TENM3: variants seen among roughly 807,000 people sequenced by gnomAD.
TENM3 encodes the protein teneurin transmembrane protein 3, also known as teneurin-3.
A neutral mutation model predicts 255.1 loss-of-function variants in TENM3; 63 were observed. That is an observed-to-expected ratio of 0.25 (90% CI 0.20 to 0.30). TENM3 has a LOEUF of 0.30. Ranked by LOEUF, TENM3 falls within the 10% of genes least tolerant of loss-of-function variation. The pLI is 1.00. For missense variants in TENM3, 2,929 were observed against 3,461.1 expected, an observed-to-expected ratio of 0.85 and a Z score of 3.86; for synonymous variants, 1,306 against 1,322.3, an observed-to-expected ratio of 0.99 and a Z score of 0.27.
chr4:181,878,831 C>A, the TENM3 span, among the ~76,000 whole-genome samples: 1 of 152,130 alleles, frequency 6.6e-6, no homozygotes, highest in Non-Finnish European at 1.5e-5. Context: ...ATCTACCTAC[C>A]TACCTACCTG....
chr4:182,526,756 T>C (rs967979468), intron 3 of TENM3, among the ~76,000 whole-genome samples: 1 of 152,238 alleles, frequency 6.6e-6, no homozygotes, highest in Non-Finnish European at 1.5e-5. Flanking sequence ...CTATTTTACT[T>C]GCTAACGGAT....
At chr4:181,653,489 A>G in the TENM3 span, among the ~76,000 whole-genome samples, 1 of 151,948 alleles carries the variant, frequency 6.6e-6, no homozygotes, top group Non-Finnish European at 1.5e-5. Context: ...GGCTCACTGC[A>G]ACTTCCACCT....
At chr4:181,794,087 G>T in the TENM3 span, among the ~76,000 whole-genome samples, 3 of 152,010 alleles carry the variant, frequency 2.0e-5, no homozygotes, top group Non-Finnish European at 4.4e-5. Context: ...CCCTTTCTCT[G>T]TTATTATAGT....
intron 3 of TENM3, among the ~76,000 whole-genome samples, chr4:182,349,132 T>C (rs965894533): frequency 6.6e-6 from 1 of 152,012 alleles, no homozygotes; most frequent in African/African-American, 2.4e-5. Context: ...AAGTTAAGAG[T>C]ATAAAGTGTC....
Position 182,395,167 on chromosome 4 carries a change from A to G in TENM3, c.511+48238A>G, listed in dbSNP as rs562926630. Among the ~76,000 whole-genome samples, 4 of 152,294 alleles carry G rather than the reference A, an allele frequency of 2.6e-5. No individual in the cohort carries two copies. The East Asian group carries it at 7.7e-4, about 29-fold the overall frequency. On this transcript the variant is annotated intron_variant, in intron 3 of 27. Transcript: ENST00000511685. ...ACAATATTATCAGACAATTCTTAAC[A>G]CATGGATTTGTCCCTGATATGACAC...
chr4:181,514,924 T>C, the TENM3 span, among the ~76,000 whole-genome samples: 2 of 152,184 alleles, frequency 1.3e-5, no homozygotes, highest in East Asian at 3.8e-4. Context: ...GTGAGACAGG[T>C]CTTGGTTATC....
At chr4:182,514,489 T>A (rs1194913002) in intron 3 of TENM3, among the ~76,000 whole-genome samples, 3 of 152,196 alleles carry the variant, frequency 2.0e-5, no homozygotes, top group Non-Finnish European at 4.4e-5. Context: ...GTTATGAAGA[T>A]GTGTCCTGAA....
At chr4:181,869,738 G>GA in the TENM3 span, among the ~76,000 whole-genome samples, 1 of 151,838 alleles carries the variant, frequency 6.6e-6, no homozygotes, top group Non-Finnish European at 1.5e-5. Context: ...ACATTCTTCA[G>GA]AAAAAAGGGA....
intron 3 of TENM3, among the ~76,000 whole-genome samples, chr4:182,497,770 T>G (rs1489935332): frequency 6.6e-6 from 1 of 151,230 alleles, no homozygotes; most frequent in East Asian, 1.9e-4. Context: ...CAATCAGAGG[T>G]AGACATTTAA....
At chr4:182,067,679 C>T in the TENM3 span, among the ~76,000 whole-genome samples, 5 of 152,174 alleles carry the variant, frequency 3.3e-5, no homozygotes, top group Non-Finnish European at 7.3e-5. Flanking sequence ...AGCTGACTCT[C>T]TCTTGCTGGA....
At chr4:182,694,904 G>A (rs1029045834) in intron 12 of TENM3, among the ~76,000 whole-genome samples, 1 of 152,130 alleles carries the variant, frequency 6.6e-6, no homozygotes, top group Non-Finnish European at 1.5e-5. Context: ...TGAAAGAATA[G>A]TACTTTAATT....
chr4:182,597,593 C>G (rs181223171), intron 3 of TENM3, among the ~76,000 whole-genome samples: 1 of 152,234 alleles, frequency 6.6e-6, no homozygotes, highest in East Asian at 1.9e-4. Context: ...GATTTGTGTT[C>G]CTCTTTAAAA....
At chr4:181,560,943 AT>A in the TENM3 span, among the ~76,000 whole-genome samples, 1 of 152,030 alleles carries the variant, frequency 6.6e-6, no homozygotes, top group Non-Finnish European at 1.5e-5. Context: ...CAAGTTAATA[AT>A]TTTTATCCCT....
chr4:181,467,103 G>A, the TENM3 span, among the ~76,000 whole-genome samples: 9,446 of 58,726 alleles, frequency 0.16, 1,426 homozygotes, highest in African/African-American at 0.27. Context: ...GTGTGTGTGT[G>A]TATATATATA....
At chr4:182,603,766 TA>T (rs1383925361) in intron 4 of TENM3, among the ~76,000 whole-genome samples, 4 of 90,408 alleles carry the variant, frequency 4.4e-5, no homozygotes, top group Non-Finnish European at 7.7e-5. Context: ...GGCAATTATT[TA>T]TATATATATA....
At chr4:182,703,924 A>G (rs1466213381) in intron 12 of TENM3, among the ~76,000 whole-genome samples, 1 of 152,214 alleles carries the variant, frequency 6.6e-6, no homozygotes, top group Admixed American at 6.5e-5. Context: ...GATTGGATTT[A>G]TTAGCACTAT....
chr4:181,969,264 A>G, the TENM3 span, among the ~76,000 whole-genome samples: 1 of 152,190 alleles, frequency 6.6e-6, no homozygotes, highest in Non-Finnish European at 1.5e-5. Flanking sequence ...TAAAATTACT[A>G]AAGTCATTCA....
In TENM3 at chr4:182,688,345, A is replaced by C. The variant is rs377489704; in HGVS notation, c.2215A>C (p.Thr739Pro). The change falls in exon 12 of 28, where the codon ACT (threonine) becomes CCT (proline). Residue 739 changes from threonine (T) to proline (P), a missense_variant. Around this residue, in one of 6 missense-constraint regions of TENM3, gnomAD observed 1,608 missense variants for 1,884.4 expected, o/e 0.85. Coordinates refer to ENST00000511685, the MANE Select transcript of TENM3 (RefSeq NM_001080477.4). ...CCAGGGCTGGAATGGAGAGCACTGC[A>C]CTATCGGTAGGCTTACTGCAAGTCT... ...CSQGWNGEHCTIEGCPGLCNS... is the reference protein window; with the variant it reads ...CSQGWNGEHCPIEGCPGLCNS... 1.2e-6 allele frequency: 2 copies of C among 1,606,886 alleles called. No homozygotes were observed. The highest frequency in any genetic ancestry group is 1.7e-6 in the Non-Finnish European group (2 of 1,176,026).
At chr4:182,439,858 C>T (rs995945666) in intron 3 of TENM3, among the ~76,000 whole-genome samples, 1 of 152,156 alleles carries the variant, frequency 6.6e-6, no homozygotes, top group African/African-American at 2.4e-5. Context: ...GGGGCTTCTT[C>T]GTCGTTTTAC....
Sources: gnomAD v4.1 joint callset for allele counts (sites outside exome capture counted in the v4.1 genomes callset) on GRCh38, gnomAD v4.1.1 for gene constraint, gnomAD v4.1.1 regional missense constraint, MANE v1.5 for transcripts, NCBI Gene and HGNC (gene_info 2026-07-23, HGNC 2026-07-21) for gene names.